The following UBE2E3 variants were observed in gnomAD, a reference collection of about 807,000 sequenced individuals.
The protein encoded by UBE2E3 is ubiquitin-conjugating enzyme E2 E3.
UBE2E3 carries 5 observed loss-of-function variants against 23.6 expected under a neutral mutation model. The observed-to-expected ratio is 0.21, with a 90% CI of 0.11 to 0.44. UBE2E3 has a LOEUF of 0.44. Among genes scored for constraint, UBE2E3 ranks in the 20% least tolerant of loss-of-function variants. The pLI is 0.99. For synonymous variants in UBE2E3, 78 were observed against 87.5 expected (o/e 0.89, Z 0.60); for missense variants, 81 against 249.8 (o/e 0.32, Z 4.55).
chr2:181,057,554 T>A (rs115874174), intron 3 of UBE2E3, 139 bp from the exon 4 acceptor site: 18 of 650,932 alleles, frequency 2.8e-5, no homozygotes, highest in Non-Finnish European at 3.6e-5. Flanking sequence ...GCAAACACAT[T>A]GGGGCTTATT....
intron 2 of UBE2E3, 98 bp from the exon 3 acceptor site, chr2:180,983,945 C>A: frequency 1.1e-6 from 1 of 908,606 alleles, no homozygotes; most frequent in South Asian, 2.2e-5. Context: ...CAGAGCCAGC[C>A]TTGCATTTAA....
intron 3 of UBE2E3, among the ~76,000 whole-genome samples, chr2:180,988,727 A>G (rs188829161): frequency 6.6e-6 from 1 of 152,302 alleles, no homozygotes; most frequent in Admixed American, 6.5e-5. Flanking sequence ...AATTGAAATA[A>G]CATGTGATCC....
intron 3 of UBE2E3, among the ~76,000 whole-genome samples, chr2:181,010,465 G>A (rs1035614980): frequency 2.0e-5 from 3 of 152,070 alleles, no homozygotes; most frequent in African/African-American, 7.2e-5. Context: ...GAAGAGTAGT[G>A]GTTGATATTC....
chr2:181,017,840 G>C (rs1685544349), intron 3 of UBE2E3, among the ~76,000 whole-genome samples: 2 of 150,280 alleles, frequency 1.3e-5, no homozygotes, highest in African/African-American at 4.9e-5. Flanking sequence ...GGGGGTTTAA[G>C]ATGCTTTTTT....
chr2:181,021,419 C>CCCTTCCTCCCTT lies in UBE2E3; in HGVS notation c.246-36266_246-36255dup, dbSNP rs1559124131. On this transcript the variant is annotated intron_variant, in intron 3 of 5. Coordinates refer to ENST00000410062, the MANE Select transcript of UBE2E3 (RefSeq NM_006357.4). ...CTCTTTTCTTTTCCCCTCCCTCCCT[C>CCCTTCCTCCCTT]CCTTCCTCCCTTCCTTCCTTTCTCC... Among the ~76,000 whole-genome samples, 8 of 134,376 alleles carry CCCTTCCTCCCTT rather than the reference C, an allele frequency of 6.0e-5. No homozygotes were observed. In the East Asian group the frequency reaches 9.1e-4, roughly 15 times the overall value. The allele number at this position is 134,376 out of a possible 152,430, so 88.2% of individuals were successfully genotyped here.
At chr2:181,007,788 G>A (rs1685198455) in intron 3 of UBE2E3, among the ~76,000 whole-genome samples, 2 of 152,146 alleles carry the variant, frequency 1.3e-5, no homozygotes, top group Admixed American at 1.3e-4. Context: ...ATGGTAGAAG[G>A]GCTTGATATC....
intron 3 of UBE2E3, among the ~76,000 whole-genome samples, chr2:180,993,044 T>G (rs1373988882): frequency 6.6e-6 from 1 of 152,228 alleles, no homozygotes; most frequent in Non-Finnish European, 1.5e-5. Flanking sequence ...CTTGTCTAAA[T>G]GCAGTAGTAA....
chr2:181,058,212 A>G (rs1003705950), intron 4 of UBE2E3, among the ~76,000 whole-genome samples: 4 of 151,770 alleles, frequency 2.6e-5, no homozygotes, highest in Non-Finnish European at 5.9e-5. Flanking sequence ...TCCAGAAATA[A>G]GGGTTTAATA....
intron 3 of UBE2E3, among the ~76,000 whole-genome samples, chr2:181,044,917 CTT>C (rs148379506): frequency 6.6e-6 from 1 of 152,274 alleles, no homozygotes; most frequent in African/African-American, 2.4e-5. Context: ...TACATTTTCT[CTT>C]TTCATATTAT....
intron 3 of UBE2E3, among the ~76,000 whole-genome samples, chr2:181,048,000 T>G (rs2105469968): frequency 6.6e-6 from 1 of 152,288 alleles, no homozygotes; most frequent in East Asian, 1.9e-4. Context: ...ACATTGTGCT[T>G]CCAGGCCCTG....
chr2:181,025,141 G>A (rs375067635), intron 3 of UBE2E3, among the ~76,000 whole-genome samples: 7 of 151,922 alleles, frequency 4.6e-5, no homozygotes, highest in Admixed American at 6.6e-5. Flanking sequence ...ATAGGGGCAC[G>A]AGTGGTTTGA....
chr2:181,061,951 T>C (rs532540278), intron 5 of UBE2E3, among the ~76,000 whole-genome samples: 25 of 151,724 alleles, frequency 1.6e-4, no homozygotes, highest in African/African-American at 5.5e-4. Context: ...CATTAATAGA[T>C]GTAACGTTTA....
At chr2:181,024,123 G>A (rs1407795315) in intron 3 of UBE2E3, among the ~76,000 whole-genome samples, 1 of 152,026 alleles carries the variant, frequency 6.6e-6, no homozygotes, top group Non-Finnish European at 1.5e-5. Flanking sequence ...TTCACTATGA[G>A]TGAGCCAAAA....
chr2:180,993,948 A>T (rs1352028846), intron 3 of UBE2E3, among the ~76,000 whole-genome samples: 2 of 152,194 alleles, frequency 1.3e-5, no homozygotes, highest in African/African-American at 4.8e-5. Context: ...GATTTGTGAT[A>T]TATATGCTTG....
chr2:181,019,846 G>A (rs970721638), intron 3 of UBE2E3, among the ~76,000 whole-genome samples: 1 of 150,228 alleles, frequency 6.7e-6, no homozygotes, highest in Non-Finnish European at 1.5e-5. Context: ...TCTTTTTTTT[G>A]TGGTGAGAAC....
intron 3 of UBE2E3, among the ~76,000 whole-genome samples, chr2:181,045,306 C>A (rs1686643435): frequency 1.3e-5 from 2 of 152,062 alleles, no homozygotes; most frequent in Admixed American, 6.6e-5. Context: ...GCTGGCATGC[C>A]CCTGGCTGAG....
At chr2:181,002,402 C>T (rs1291501595) in intron 3 of UBE2E3, among the ~76,000 whole-genome samples, 1 of 152,108 alleles carries the variant, frequency 6.6e-6, no homozygotes, top group Non-Finnish European at 1.5e-5. Context: ...AATGTTTAAG[C>T]TGGCAGATAC....
intron 3 of UBE2E3, among the ~76,000 whole-genome samples, chr2:180,992,609 C>T (rs1202114564): frequency 6.6e-6 from 1 of 152,172 alleles, no homozygotes; most frequent in African/African-American, 2.4e-5. Flanking sequence ...AATCCTCCCA[C>T]CTCAGCCTTC....
At chr2:181,060,052 A>G (rs1476729437) in intron 4 of UBE2E3, among the ~76,000 whole-genome samples, 7 of 151,734 alleles carry the variant, frequency 4.6e-5, no homozygotes, top group Non-Finnish European at 7.4e-5. Flanking sequence ...TCCAGTAGCT[A>G]AAAACCTTGT....
Sources: gnomAD v4.1 joint callset for allele counts (sites outside exome capture counted in the v4.1 genomes callset) on GRCh38, gnomAD v4.1.1 for gene constraint, MANE v1.5 for transcripts, NCBI Gene and HGNC (gene_info 2026-07-23, HGNC 2026-07-21) for gene names.